NFYA: variants seen among roughly 807,000 people sequenced by gnomAD.
NFYA encodes CAAT-box DNA binding protein subunit A.
A neutral mutation model predicts 52.8 loss-of-function variants in NFYA; 28 were observed. That is an observed-to-expected ratio of 0.53 (90% confidence interval 0.39 to 0.73). The LOEUF is 0.73. Ranked by LOEUF, NFYA falls within the 30% of genes least tolerant of loss-of-function variation. NFYA has a pLI of 0.00. For synonymous variants in NFYA, 150 were observed against 150.7 expected, an observed-to-expected ratio of 1.00 and a Z score of 0.03; for missense variants, 234 against 427.0, an observed-to-expected ratio of 0.55 and a Z score of 3.98.
intron 3 of NFYA, among the ~76,000 whole-genome samples, chr6:41,082,487 A>G (rs1189765720): frequency 6.6e-6 from 1 of 152,220 alleles, no homozygotes; most frequent in Non-Finnish European, 1.5e-5. Context: ...TTGGAGTCTC[A>G]AATCATTTAT....
rs567573594 is a variant in NFYA, at chr6:41,089,077, C to T, written c.310-502C>T. Among the ~76,000 whole-genome samples the T allele has an allele frequency of 5.3e-5, 8 of 152,164 alleles. No individual in the cohort carries two copies. The East Asian group carries it at 1.2e-3, about 22-fold the overall frequency. The stretch of plus-strand genomic sequence containing the variant: ...CTCGGCTCACTGCAACCTCCGCCTC[C>T]GGTTCAAGTGATTTTCCGGCCTCAG... On this transcript the variant is annotated intron_variant, in intron 4 of 9. Coordinates refer to ENST00000341376, the MANE Select transcript of NFYA (RefSeq NM_002505.5).
At position 41,101,600 on chromosome 6, in the gene NFYA, C is replaced by T. The variant is rs1764503142; in HGVS notation, c.*4190C>T. On this transcript the variant is annotated 3_prime_UTR_variant, in exon 10 of 10. Transcript: ENST00000341376. Reference sequence around the variant, plus strand: ...TGGCCGTAGCTATCTAGCAGCCACTCCGCGAGTCGTTCATTTAACAAATAC... The same window carrying T: ...TGGCCGTAGCTATCTAGCAGCCACTTCGCGAGTCGTTCATTTAACAAATAC... 6.6e-6 allele frequency among the ~76,000 whole-genome samples: 1 copy of T among 152,192 alleles called. No homozygotes were observed. The highest frequency in any genetic ancestry group is 1.9e-4 in the East Asian group (1 of 5,196).
At chr6:41,087,821 T>G (rs1202434534) in intron 4 of NFYA, among the ~76,000 whole-genome samples, 1 of 152,218 alleles carries the variant, frequency 6.6e-6, no homozygotes, top group East Asian at 1.9e-4. Flanking sequence ...AGAAATATTT[T>G]TCAAGCTTCT....
intron 4 of NFYA, 106 bp from the exon 5 acceptor site, chr6:41,089,473 T>G: frequency 7.7e-7 from 1 of 1,290,798 alleles, no homozygotes; most frequent in East Asian, 2.7e-5. Flanking sequence ...TCTTTTTTCC[T>G]CTTCAGAACA....
intron 9 of NFYA, among the ~76,000 whole-genome samples, chr6:41,096,632 T>C (rs973450246): frequency 5.9e-5 from 9 of 152,230 alleles, no homozygotes; most frequent in Non-Finnish European, 8.8e-5. Context: ...CTTTCAGCTT[T>C]TTCTCAGATC....
intron 1 of NFYA, 90 bp downstream of exon 1, chr6:41,073,174 G>C (rs1250554751): frequency 6.6e-6 from 1 of 152,454 alleles, no homozygotes; most frequent in East Asian, 1.9e-4. Flanking sequence ...AGAGGCCCAG[G>C]CGCCCGTCGA....
intron 1 of NFYA, among the ~76,000 whole-genome samples, chr6:41,077,225 A>G (rs1327134805): frequency 2.6e-5 from 4 of 152,186 alleles, no homozygotes; most frequent in Admixed American, 1.3e-4. Flanking sequence ...TTTAAAATCA[A>G]TTTATTGAGA....
intron 2 of NFYA, among the ~76,000 whole-genome samples, chr6:41,080,189 C>G (rs2113793153): frequency 6.6e-6 from 1 of 152,262 alleles, no homozygotes; most frequent in East Asian, 1.9e-4. Flanking sequence ...TGCTGCATGC[C>G]TGTAATCCCA....
chr6:41,096,092 T>G (rs1031139213), intron 9 of NFYA, among the ~76,000 whole-genome samples: 1 of 152,236 alleles, frequency 6.6e-6, no homozygotes, highest in Non-Finnish European at 1.5e-5. Flanking sequence ...TTAAAGTGTT[T>G]TTTTTAACCT....
intron 2 of NFYA, 106 bp downstream of exon 2, chr6:41,079,270 C>T: frequency 9.4e-7 from 1 of 1,063,382 alleles, no homozygotes; most frequent in Non-Finnish European, 1.4e-6. Flanking sequence ...GATACCAGAT[C>T]TTGTGAGATA....
At chr6:41,077,788 C>G (rs923081407) in intron 1 of NFYA, among the ~76,000 whole-genome samples, 1 of 152,122 alleles carries the variant, frequency 6.6e-6, no homozygotes. Flanking sequence ...ATTTACCTAG[C>G]GAGCATTCCA....
chr6:41,074,652 T>A lies in NFYA; in HGVS notation c.-62+1568T>A, dbSNP rs146074961. On this transcript the variant is annotated intron_variant, in intron 1 of 9. Coordinates refer to ENST00000341376, the MANE Select transcript of NFYA (RefSeq NM_002505.5). ...ATGGGATAGGGAAGTGGGCAGTAGTTGTGATAGTTTAGGGGGGAAAGCCCA... is the reference window on the plus strand; with the variant it reads ...ATGGGATAGGGAAGTGGGCAGTAGTAGTGATAGTTTAGGGGGGAAAGCCCA... 4.0e-3 allele frequency among the ~76,000 whole-genome samples: 607 copies of A among 152,302 alleles called. 11 individuals carry two copies. The South Asian group carries it at 0.061, about 15-fold the overall frequency.
At position 41,099,986 on chromosome 6, in the gene NFYA, C is replaced by T. The variant is rs1225672459; in HGVS notation, c.*2576C>T. On this transcript the variant is annotated 3_prime_UTR_variant, in exon 10 of 10. Transcript: ENST00000341376. ...TAAAAATAACCGAAAAGTAATGTGA[C>T]TTTTGAGGAATCTGCAACTCCTGGG... is the stretch of plus-strand genomic sequence containing the variant. The T allele has an allele frequency of 6.6e-6, 1 of 152,056 alleles. No homozygotes were observed. The highest frequency in any genetic ancestry group is 2.4e-5 in the African/African-American group (1 of 41,374). The allele number at this position is 152,056 out of a possible 1,614,324, so 9.4% of individuals were successfully genotyped here.
intron 1 of NFYA, among the ~76,000 whole-genome samples, 181 bp downstream of exon 1, chr6:41,073,265 C>G (rs992784561): frequency 2.6e-4 from 39 of 151,632 alleles, no homozygotes; most frequent in African/African-American, 9.2e-4. Flanking sequence ...TCGGGGCACT[C>G]CCGGCCGAGG....
rs1226874668 is a variant in NFYA, at chr6:41,097,607, C to G, written c.*197C>G. On this transcript the variant is annotated 3_prime_UTR_variant, in exon 10 of 10. Coordinates refer to ENST00000341376, the MANE Select transcript of NFYA (RefSeq NM_002505.5). ...ATTGAAGTTGCAAGCCTTTGTCTTA[C>G]TCTTTCAGTCAGGACCTATTTCAGA... The G allele has an allele frequency of 1.7e-6, 1 of 572,114 alleles. No individual in the cohort carries two copies. Among genetic ancestry groups the G allele is most frequent in the East Asian group, 3.0e-5 (1 of 33,642 alleles). The allele number at this position is 572,114 out of a possible 1,614,324, so 35.4% of individuals were successfully genotyped here. A position where few individuals can be genotyped will look rare whatever the true frequency, so the allele number is the denominator to read the frequency against.
rs1764501918 is a variant in NFYA, at chr6:41,101,531, G to A, written c.*4121G>A. ...CTGTTTCAATTATTTTATTCGTTCA[G>A]TTAATTCGTTCTTGGCGTCATAAGT... On this transcript the variant is annotated 3_prime_UTR_variant, in exon 10 of 10. Coordinates refer to ENST00000341376, the MANE Select transcript of NFYA (RefSeq NM_002505.5). Among the ~76,000 whole-genome samples the A allele has an allele frequency of 6.6e-6, 1 of 152,128 alleles. No individual in the cohort carries two copies. Among genetic ancestry groups the A allele is most frequent in the Non-Finnish European group, 1.5e-5 (1 of 68,010 alleles).
intron 2 of NFYA, among the ~76,000 whole-genome samples, chr6:41,079,407 G>A (rs1349450724): frequency 6.6e-6 from 1 of 152,144 alleles, no homozygotes; most frequent in East Asian, 1.9e-4. Context: ...CATCTAGTCT[G>A]GTTTTCAGAT....
intron 1 of NFYA, among the ~76,000 whole-genome samples, chr6:41,077,399 T>C (rs907260534): frequency 2.0e-5 from 3 of 152,214 alleles, no homozygotes; most frequent in African/African-American, 7.2e-5. Context: ...CTTTCCTGTC[T>C]CCCTGTATTC....
intron 2 of NFYA, 53 bp downstream of exon 2, chr6:41,079,217 C>T: frequency 1.3e-6 from 2 of 1,529,770 alleles, no homozygotes; most frequent in Non-Finnish European, 1.8e-6. Flanking sequence ...GATAACAGCA[C>T]CACTCAATTG....
Sources: allele counts gnomAD v4.1 joint callset (sites outside exome capture counted in the v4.1 genomes callset), GRCh38; gene constraint gnomAD v4.1.1; transcripts MANE v1.5; gene names NCBI Gene and HGNC (gene_info 2026-07-23, HGNC 2026-07-21).